The following PAG1 variants were observed in gnomAD, a reference collection of about 807,000 sequenced individuals.
The protein encoded by PAG1 is phosphoprotein associated with glycosphingolipid-enriched microdomains 1.
In PAG1, 23 loss-of-function variants were observed where a neutral mutation model predicts 31.7. The ratio of observed to expected loss-of-function variants is 0.73; its 90% CI spans 0.52 to 1.03. PAG1 has a LOEUF of 1.03. Among genes scored for constraint, PAG1 ranks in the 50% least tolerant of loss-of-function variants. The probability of loss-of-function intolerance (pLI) is 0.00; values close to 1 mark genes in which losing one functional copy is unlikely to be tolerated. For synonymous variants in PAG1, 214 were observed against 210.3 expected, an observed-to-expected ratio of 1.02 and a Z score of -0.15; for missense variants, 473 against 540.7, an observed-to-expected ratio of 0.87 and a Z score of 1.24.
intron 3 of PAG1, among the ~76,000 whole-genome samples, chr8:81,000,979 G>A (rs1807775284): frequency 6.6e-6 from 1 of 152,160 alleles, no homozygotes; most frequent in African/African-American, 2.4e-5. Context: ...CCTCACACAA[G>A]CCTCAAGGGG....
intron 8 of PAG1, among the ~76,000 whole-genome samples, chr8:80,979,554 G>T (rs1414453328): frequency 6.6e-6 from 1 of 152,198 alleles, no homozygotes; most frequent in Non-Finnish European, 1.5e-5. Context: ...ATGGACGAGG[G>T]TGGGCAATAT....
chr8:81,058,946 T>A (rs1808872687), intron 2 of PAG1, among the ~76,000 whole-genome samples: 1 of 152,154 alleles, frequency 6.6e-6, no homozygotes, highest in African/African-American at 2.4e-5. Context: ...ATATAACTAT[T>A]TCTTTAATAA....
chr8:81,068,642 A>T (rs568911766), intron 2 of PAG1, among the ~76,000 whole-genome samples: 1 of 152,254 alleles, frequency 6.6e-6, no homozygotes, highest in Admixed American at 6.5e-5. Context: ...TAAAGAAATT[A>T]GAGCATTCAC....
At chr8:81,108,860 A>T (rs966936549) in intron 1 of PAG1, among the ~76,000 whole-genome samples, 1 of 152,180 alleles carries the variant, frequency 6.6e-6, no homozygotes, top group Non-Finnish European at 1.5e-5. Flanking sequence ...CTTTTTCTGA[A>T]CATGCAGTTT....
At chr8:81,025,695 A>G (rs561976706) in intron 3 of PAG1, among the ~76,000 whole-genome samples, 1 of 152,174 alleles carries the variant, frequency 6.6e-6, no homozygotes, top group Non-Finnish European at 1.5e-5. Context: ...CTCTGCAGGC[A>G]TGTCACAGGA....
At chr8:81,055,048 C>T (rs1317243245) in intron 2 of PAG1, among the ~76,000 whole-genome samples, 1 of 151,746 alleles carries the variant, frequency 6.6e-6, no homozygotes, top group East Asian at 1.9e-4. Context: ...GACACTAACT[C>T]ATCACTGAAT....
chr8:81,087,664 G>A (rs1311416186), intron 1 of PAG1, among the ~76,000 whole-genome samples: 1 of 152,180 alleles, frequency 6.6e-6, no homozygotes, highest in Non-Finnish European at 1.5e-5. Context: ...ACAAGTTACA[G>A]GGCACACTGA....
intron 1 of PAG1, among the ~76,000 whole-genome samples, chr8:81,104,851 A>T (rs1809667862): frequency 6.6e-6 from 1 of 152,160 alleles, no homozygotes; most frequent in East Asian, 1.9e-4. Flanking sequence ...ACCCAGAGTG[A>T]TCATTCTAAA....
chr8:81,053,904 G>A (rs917836379), intron 2 of PAG1, among the ~76,000 whole-genome samples: 3 of 152,122 alleles, frequency 2.0e-5, no homozygotes, highest in African/African-American at 4.8e-5. Flanking sequence ...TCTGTAAAGG[G>A]CCAGAGAGTA....
At chr8:80,980,379 G>A in intron 8 of PAG1, 56 bp downstream of exon 8, 1 of 914,918 alleles carries the variant, frequency 1.1e-6, no homozygotes, top group Non-Finnish European at 1.8e-6. Flanking sequence ...TTATTCAAGG[G>A]GGGAAGGTCT....
chr8:81,021,576 GAA>G (rs1214013017), intron 3 of PAG1, among the ~76,000 whole-genome samples: 1 of 149,722 alleles, frequency 6.7e-6, no homozygotes, highest in East Asian at 1.9e-4. Context: ...TAGAGAGAGA[GAA>G]AGAGGGAGAA....
At chr8:81,054,951 C>A (rs1808791651) in intron 2 of PAG1, among the ~76,000 whole-genome samples, 1 of 152,092 alleles carries the variant, frequency 6.6e-6, no homozygotes, top group African/African-American at 2.4e-5. Flanking sequence ...TAGAAAGAAC[C>A]CAATGTGGCC....
At position 80,974,694 on chromosome 8, in the gene PAG1, A is replaced by G. The variant is rs1807148491; in HGVS notation, c.*1850T>C. The G allele has an allele frequency of 6.6e-6, 1 of 152,212 alleles. No homozygotes were observed. 9.4% of individuals were successfully genotyped at this position (152,212 alleles called of 1,614,324 possible). On this transcript the variant is annotated 3_prime_UTR_variant, in exon 9 of 9. Transcript: ENST00000220597. ...ATTTTTAAGACACTTCATCCTCCCAATTATATTCTTTGTCATAAAGAGGAA... is the reference window on the plus strand; with the variant it reads ...ATTTTTAAGACACTTCATCCTCCCAGTTATATTCTTTGTCATAAAGAGGAA...
At chr8:81,092,550 C>G (rs970703164) in intron 1 of PAG1, among the ~76,000 whole-genome samples, 2 of 152,228 alleles carry the variant, frequency 1.3e-5, no homozygotes, top group Admixed American at 1.3e-4. Context: ...AACTAACCAT[C>G]AAATGTTGAT....
chr8:80,976,467 G>A lies in PAG1; in HGVS notation c.*77C>T. The A allele has an allele frequency of 1.4e-6, 2 of 1,408,090 alleles. No homozygotes were observed. Among genetic ancestry groups the A allele is most frequent in the East Asian group, 4.6e-5 (2 of 43,866 alleles). The allele number at this position is 1,408,090 out of a possible 1,614,324, so 87.2% of individuals were successfully genotyped here. On this transcript the variant is annotated 3_prime_UTR_variant, in exon 9 of 9. Coordinates refer to ENST00000220597, the MANE Select transcript of PAG1 (RefSeq NM_018440.4). ...AAAGCAGCATATGAAGTATAGGTTT[G>A]TGTCACTTCTTCTCTTCCACAGAAG...
chr8:81,037,876 G>A (rs1329082737), intron 2 of PAG1, among the ~76,000 whole-genome samples: 1 of 152,174 alleles, frequency 6.6e-6, no homozygotes, highest in Non-Finnish European at 1.5e-5. Context: ...TTTCCACTCT[G>A]CACATTTAGG....
intron 3 of PAG1, among the ~76,000 whole-genome samples, chr8:81,011,795 T>G (rs959222647): frequency 6.6e-6 from 1 of 152,238 alleles, no homozygotes; most frequent in Non-Finnish European, 1.5e-5. Context: ...CAGCTACTTT[T>G]GCAGAGAAGG....
At chr8:80,989,034 C>T (rs894878945) in intron 5 of PAG1, among the ~76,000 whole-genome samples, 1 of 152,200 alleles carries the variant, frequency 6.6e-6, no homozygotes, top group African/African-American at 2.4e-5. Context: ...CTCCAGGATT[C>T]TACAAGGAAA....
chr8:81,031,463 T>C (rs1261919961), intron 2 of PAG1, among the ~76,000 whole-genome samples: 1 of 152,242 alleles, frequency 6.6e-6, no homozygotes, highest in Non-Finnish European at 1.5e-5. Context: ...CATGCAGATA[T>C]ATTTAGATGT....
Sources: allele counts gnomAD v4.1 joint callset (sites outside exome capture counted in the v4.1 genomes callset), GRCh38; gene constraint gnomAD v4.1.1; transcripts MANE v1.5; gene names NCBI Gene and HGNC (gene_info 2026-07-23, HGNC 2026-07-21).